Variants in SSBP3 observed in about 807,000 individuals in gnomAD.
The protein encoded by SSBP3 is single stranded DNA binding protein 3.
A neutral mutation model predicts 69.6 loss-of-function variants in SSBP3; 5 were observed. That is an observed-to-expected ratio of 0.07 (90% CI 0.04 to 0.15). SSBP3 has a LOEUF of 0.15. SSBP3 is among the 10% of genes least tolerant of loss of function. SSBP3 has a pLI of 1.00. For missense variants in SSBP3, 312 were observed against 534.0 expected (o/e 0.58, Z 4.10); for synonymous variants, 196 against 193.4 (o/e 1.01, Z -0.11).
At chr1:54,264,297 T>TA (rs904696489) in intron 5 of SSBP3, among the ~76,000 whole-genome samples, 4 of 152,132 alleles carry the variant, frequency 2.6e-5, no homozygotes, top group Middle Eastern at 3.4e-3. Flanking sequence ...GAGACCTGCC[T>TA]AAAAAAACGA....
chr1:54,308,937 T>C (rs1469937109), intron 4 of SSBP3, among the ~76,000 whole-genome samples: 1 of 151,476 alleles, frequency 6.6e-6, no homozygotes, highest in East Asian at 1.9e-4. Flanking sequence ...AAAAAGGCAA[T>C]CTCTGCAGAA....
rs1299375967 is a variant in SSBP3, at chr1:54,240,100, GTGTGCGTGCGCGCGCGCGCGCAA to G, written c.856+782_856+804del. On this transcript the variant is annotated intron_variant, in intron 13 of 17. Transcript: ENST00000610401. Reference sequence around the variant, plus strand: ...TGTGTGTGTGTGTGCGCGCGCGCGCGTGTGCGTGCGCGCGCGCGCGCAACACATGCCCACGTATGTGCACGCAT... The same window carrying G: ...TGTGTGTGTGTGTGCGCGCGCGCGCGCACATGCCCACGTATGTGCACGCAT... Among the ~76,000 whole-genome samples the G allele has an allele frequency of 7.1e-3, 65 of 9,170 alleles. 2 individuals carry two copies. The highest frequency in any genetic ancestry group is 0.051 in the South Asian group (8 of 158). 6.0% of individuals were successfully genotyped at this position (9,170 alleles called of 152,430 possible).
intron 5 of SSBP3, among the ~76,000 whole-genome samples, chr1:54,264,978 T>C (rs3766430): frequency 0.41 from 63,064 of 152,066 alleles, 13,248 homozygotes; most frequent in South Asian, 0.48. Flanking sequence ...GTTGCTTTAA[T>C]TGAGTGAATA....
chr1:54,404,483 G>A (rs979339668), intron 3 of SSBP3, 93 bp downstream of exon 3: 4 of 1,489,098 alleles, frequency 2.7e-6, no homozygotes, highest in Non-Finnish European at 3.7e-6. Flanking sequence ...GCCACAGGGC[G>A]GAGGGCCTGC....
At chr1:54,371,143 T>C (rs1014800040) in intron 4 of SSBP3, among the ~76,000 whole-genome samples, 1 of 152,206 alleles carries the variant, frequency 6.6e-6, no homozygotes, top group Admixed American at 6.5e-5. Flanking sequence ...CTACAGACAC[T>C]TGTTCCACTG....
chr1:54,273,907 A>G (rs1320933970), intron 5 of SSBP3, among the ~76,000 whole-genome samples: 1 of 152,300 alleles, frequency 6.6e-6, no homozygotes, highest in African/African-American at 2.4e-5. Flanking sequence ...CCCACCTCCA[A>G]CTGTGGCCTG....
At position 54,389,247 on chromosome 1, in the gene SSBP3, T is replaced by C. The variant is rs138991541; in HGVS notation, c.276+12614A>G. Among the ~76,000 whole-genome samples, 368 of 152,232 alleles carry C rather than the reference T, an allele frequency of 2.4e-3. 1 individual carries two copies. Among genetic ancestry groups the C allele is most frequent in the African/African-American group, 8.5e-3 (355 of 41,526 alleles). ...TCAATGCATGCAATCTCTTTGTAAA[T>C]AAAATATTTTCAAGCCTGGAGTCCA... On this transcript the variant is annotated intron_variant, in intron 4 of 17. Transcript: ENST00000610401.
chr1:54,383,873 G>A (rs978718105), intron 4 of SSBP3, among the ~76,000 whole-genome samples: 5 of 152,096 alleles, frequency 3.3e-5, no homozygotes, highest in Admixed American at 2.0e-4. Context: ...TTGGGAGGCC[G>A]AGGCGGGCGG....
At chr1:54,280,076 C>G (rs1645362922) in intron 5 of SSBP3, among the ~76,000 whole-genome samples, 1 of 152,170 alleles carries the variant, frequency 6.6e-6, no homozygotes, top group Non-Finnish European at 1.5e-5. Context: ...CCCCGGATGG[C>G]CATCCTGCAT....
At chr1:54,323,341 G>A (rs1422242723) in intron 4 of SSBP3, among the ~76,000 whole-genome samples, 1 of 152,202 alleles carries the variant, frequency 6.6e-6, no homozygotes, top group Non-Finnish European at 1.5e-5. Context: ...AGGAAACAGA[G>A]GCAAGATCTC....
intron 4 of SSBP3, 141 bp from the exon 5 acceptor site, chr1:54,281,668 C>A: frequency 1.3e-6 from 1 of 768,668 alleles, no homozygotes. Flanking sequence ...TTAAAGCCCT[C>A]CTAGCGTCCC....
intron 4 of SSBP3, among the ~76,000 whole-genome samples, chr1:54,354,438 A>G (rs1646831272): frequency 1.3e-5 from 2 of 152,184 alleles, no homozygotes; most frequent in Admixed American, 1.3e-4. Flanking sequence ...CAGGAGAGAC[A>G]CGAGGCAGTG....
chr1:54,327,702 T>C (rs1472913686), intron 4 of SSBP3, among the ~76,000 whole-genome samples: 1 of 152,162 alleles, frequency 6.6e-6, no homozygotes, highest in East Asian at 1.9e-4. Flanking sequence ...TATGACGTTA[T>C]AATAAGAAAC....
At chr1:54,328,513 C>T (rs1646350594) in intron 4 of SSBP3, among the ~76,000 whole-genome samples, 1 of 152,184 alleles carries the variant, frequency 6.6e-6, no homozygotes, top group Non-Finnish European at 1.5e-5. Flanking sequence ...TGTGTGACTG[C>T]CTCATCACAC....
intron 1 of SSBP3, 40 bp from the exon 2 acceptor site, chr1:54,404,970 C>T (rs1037805619): frequency 6.4e-7 from 1 of 1,565,660 alleles, no homozygotes; most frequent in Non-Finnish European, 8.8e-7. Flanking sequence ...GAGGGAAAGG[C>T]GTCAGATCCC....
At chr1:54,279,294 G>C (rs972611443) in intron 5 of SSBP3, among the ~76,000 whole-genome samples, 1 of 152,196 alleles carries the variant, frequency 6.6e-6, no homozygotes. Flanking sequence ...AATAAGGACA[G>C]GAATCAGTCT....
intron 9 of SSBP3, among the ~76,000 whole-genome samples, chr1:54,250,586 C>T (rs913383962): frequency 6.6e-6 from 1 of 152,104 alleles, no homozygotes; most frequent in African/African-American, 2.4e-5. Context: ...GAAACCAGTG[C>T]AGGGGGCCCA....
intron 4 of SSBP3, among the ~76,000 whole-genome samples, chr1:54,353,079 C>T (rs1356954332): frequency 1.3e-5 from 2 of 152,222 alleles, no homozygotes; most frequent in Admixed American, 1.3e-4. Flanking sequence ...CCCTTGGTTT[C>T]CTCGCCTGCA....
chr1:54,300,250 C>A (rs1348210308), intron 4 of SSBP3, among the ~76,000 whole-genome samples: 1 of 152,020 alleles, frequency 6.6e-6, no homozygotes, highest in Non-Finnish European at 1.5e-5. Flanking sequence ...CCACTGAGGA[C>A]CAAATATCCA....
Sources: allele counts gnomAD v4.1 joint callset (sites outside exome capture counted in the v4.1 genomes callset), GRCh38; gene constraint gnomAD v4.1.1; transcripts MANE v1.5; gene names NCBI Gene and HGNC (gene_info 2026-07-23, HGNC 2026-07-21).